Variants in LIPA observed in about 807,000 individuals in gnomAD.
LIPA encodes the protein lysosomal acid lipase/cholesteryl ester hydrolase.
A neutral mutation model predicts 40.6 loss-of-function variants in LIPA; 26 were observed. The observed-to-expected ratio is 0.64, with a 90% CI of 0.47 to 0.89. The LOEUF (loss-of-function observed/expected upper bound fraction) is 0.89. Among genes scored for constraint, LIPA ranks in the 40% least tolerant of loss-of-function variants. LIPA has a pLI of 0.00. For synonymous variants in LIPA, 188 were observed against 168.4 expected (o/e 1.12, Z -0.90); for missense variants, 455 against 479.6 (o/e 0.95, Z 0.48).
intron 1 of LIPA, among the ~76,000 whole-genome samples, chr10:89,275,564 C>T (rs188207385): frequency 1.2e-4 from 19 of 152,278 alleles, no homozygotes; most frequent in African/African-American, 3.4e-4. Flanking sequence ...CTTACAGAAC[C>T]GGCTTGGCCA....
chr10:89,291,769 C>T (rs529894545), intron 1 of LIPA, among the ~76,000 whole-genome samples: 1 of 152,350 alleles, frequency 6.6e-6, no homozygotes, highest in South Asian at 2.1e-4. Context: ...GTGGAAACAA[C>T]TCATGATCCT....
intron 1 of LIPA, among the ~76,000 whole-genome samples, chr10:89,341,186 A>G (rs1843865943): frequency 6.6e-6 from 1 of 152,158 alleles, no homozygotes; most frequent in African/African-American, 2.4e-5. Flanking sequence ...TAGGAGCCCC[A>G]ACTAAGCCCC....
At chr10:89,356,047 C>A (rs1327722587) in intron 2 of LIPA, among the ~76,000 whole-genome samples, 1 of 152,200 alleles carries the variant, frequency 6.6e-6, no homozygotes, top group Non-Finnish European at 1.5e-5. Flanking sequence ...TCTTTTATTC[C>A]TTTACTTTCT....
chr10:89,335,463 G>A (rs1270643199), intron 1 of LIPA: 2 of 151,558 alleles, frequency 1.3e-5, no homozygotes, highest in African/African-American at 2.4e-5. Flanking sequence ...ATCTCAGAGG[G>A]AGAATCTTGA....
At chr10:89,266,999 T>G (rs1036233644) in intron 1 of LIPA, among the ~76,000 whole-genome samples, 1 of 152,218 alleles carries the variant, frequency 6.6e-6, no homozygotes, top group Non-Finnish European at 1.5e-5. Context: ...GGGAATAAGG[T>G]GTGGGTGGCT....
chr10:89,343,176 T>C (rs1253132209), upstream of LIPA, among the ~76,000 whole-genome samples: 1 of 152,212 alleles, frequency 6.6e-6, no homozygotes, highest in Non-Finnish European at 1.5e-5. Context: ...CAAAGTTTTA[T>C]GTGATATGAG....
At chr10:89,337,832 G>A (rs1299392775) in intron 1 of LIPA, among the ~76,000 whole-genome samples, 2 of 152,232 alleles carry the variant, frequency 1.3e-5, no homozygotes, top group Non-Finnish European at 2.9e-5. Context: ...TGTCTGCACA[G>A]ACTGTAGCTA....
At chr10:89,313,580 C>A (rs1843526930) in intron 1 of LIPA, among the ~76,000 whole-genome samples, 1 of 152,142 alleles carries the variant, frequency 6.6e-6, no homozygotes. Context: ...CATAGGTTCA[C>A]ACAAAACTTG....
intron 1 of LIPA, chr10:89,285,211 C>A (rs1368361892): frequency 6.3e-6 from 1 of 159,986 alleles, no homozygotes; most frequent in Non-Finnish European, 1.3e-5. Flanking sequence ...CCACCTACGA[C>A]CTCTGCTCCT....
intron 1 of LIPA, among the ~76,000 whole-genome samples, chr10:89,329,820 A>G (rs569399440): frequency 4.3e-4 from 66 of 152,316 alleles, no homozygotes; most frequent in African/African-American, 1.4e-3. Context: ...GTGAGCAACA[A>G]GGCTGTTTAT....
At chr10:89,355,543 A>G (rs1000818536) in intron 2 of LIPA, among the ~76,000 whole-genome samples, 2 of 152,260 alleles carry the variant, frequency 1.3e-5, no homozygotes, top group Admixed American at 6.5e-5. Context: ...CATTTGAACC[A>G]GAGAAACTCC....
At chr10:89,350,882 G>C (rs183856650) in intron 2 of LIPA, among the ~76,000 whole-genome samples, 37 of 152,282 alleles carry the variant, frequency 2.4e-4, no homozygotes, top group African/African-American at 8.4e-4. Flanking sequence ...ATTTTTTAAA[G>C]GACTCCAGTT....
chr10:89,403,855 G>A, intron 2 of LIPA: 1 of 592,616 alleles, frequency 1.7e-6, no homozygotes. Flanking sequence ...CAAAATATTA[G>A]TTGTGTTCAA....
chr10:89,255,010 C>G (rs970540888), upstream of LIPA, among the ~76,000 whole-genome samples: 1 of 152,212 alleles, frequency 6.6e-6, no homozygotes, highest in Non-Finnish European at 1.5e-5. Context: ...CAACAGTTCT[C>G]TAAGAAGTTC....
chr10:89,220,809 G>A (rs758967026), intron 8 of LIPA, among the ~76,000 whole-genome samples: 3 of 152,148 alleles, frequency 2.0e-5, no homozygotes, highest in Admixed American at 6.5e-5. Context: ...AGGATGTCCC[G>A]AACAGGTCTG....
intron 1 of LIPA, among the ~76,000 whole-genome samples, chr10:89,269,894 AGGTCTT>A (rs2133491998): frequency 6.6e-6 from 1 of 152,288 alleles, no homozygotes; most frequent in South Asian, 2.1e-4. Flanking sequence ...AGAGCCACTA[AGGTCTT>A]CAGTTGTGGG....
At chr10:89,366,645 G>A (rs1431041822) in intron 2 of LIPA, among the ~76,000 whole-genome samples, 1 of 152,166 alleles carries the variant, frequency 6.6e-6, no homozygotes, top group Non-Finnish European at 1.5e-5. Context: ...ACACCAGTTA[G>A]AATGGCCATC....
At chr10:89,297,838 G>A (rs1356703992) in intron 1 of LIPA, among the ~76,000 whole-genome samples, 2 of 152,198 alleles carry the variant, frequency 1.3e-5, no homozygotes, top group African/African-American at 4.8e-5. Flanking sequence ...ACTACCAGAG[G>A]CTGGGGCAGG....
At chr10:89,378,262 A>G in intron 2 of LIPA, 2 of 928,158 alleles carry the variant, frequency 2.2e-6, no homozygotes, top group Non-Finnish European at 3.5e-6. Context: ...GGTGGTTCTG[A>G]CCCTGATAGG....
Sources: allele counts gnomAD v4.1 joint callset (sites outside exome capture counted in the v4.1 genomes callset), GRCh38; gene constraint gnomAD v4.1.1; transcripts MANE v1.5; gene names NCBI Gene and HGNC (gene_info 2026-07-23, HGNC 2026-07-21).